The following BCKDHB variants were observed in gnomAD, a reference collection of about 807,000 sequenced individuals.
BCKDHB encodes the protein branched chain keto acid dehydrogenase E1 subunit beta.
BCKDHB carries 41 observed loss-of-function variants against 48.5 expected under a neutral mutation model. The ratio of observed to expected loss-of-function variants is 0.85; its 90% CI spans 0.66 to 1.10. The LOEUF is 1.10. Among genes scored for constraint, BCKDHB ranks in the 50% least tolerant of loss-of-function variants. The pLI is 0.00. For missense variants in BCKDHB, 496 were observed against 494.2 expected, an observed-to-expected ratio of 1.00 and a Z score of -0.03; for synonymous variants, 201 against 174.8, an observed-to-expected ratio of 1.15 and a Z score of -1.18.
intron 9 of BCKDHB, among the ~76,000 whole-genome samples, chr6:80,315,525 C>G (rs9361599): frequency 0.41 from 62,158 of 151,878 alleles, 13,710 homozygotes; most frequent in Admixed American, 0.57. Flanking sequence ...TTACTCACCC[C>G]CCTTTTGTTG....
At chr6:80,149,770 T>C (rs565464683) in intron 3 of BCKDHB, among the ~76,000 whole-genome samples, 79 of 143,348 alleles carry the variant, frequency 5.5e-4, no homozygotes, top group African/African-American at 2.0e-3. Flanking sequence ...TAGGTGGGAA[T>C]TGAACAATGA....
chr6:80,315,230 G>A lies in BCKDHB; in HGVS notation c.1039-28434G>A, dbSNP rs73465523. Reference sequence around the variant, plus strand: ...GGGTCTCTGTGCTGCCTGAGCAACCGCTCTGTTGAGACTCCACAGAGTTCT... The same window carrying A: ...GGGTCTCTGTGCTGCCTGAGCAACCACTCTGTTGAGACTCCACAGAGTTCT... On this transcript the variant is annotated intron_variant, in intron 9 of 9. Transcript: ENST00000320393. 5.0e-3 allele frequency among the ~76,000 whole-genome samples: 755 copies of A among 152,232 alleles called. 5 individuals are homozygous for A. The highest frequency in any genetic ancestry group is 0.017 in the African/African-American group (723 of 41,536).
intron 1 of BCKDHB, among the ~76,000 whole-genome samples, chr6:80,119,258 T>A (rs1426888910): frequency 6.6e-6 from 1 of 152,128 alleles, no homozygotes; most frequent in Non-Finnish European, 1.5e-5. Context: ...AATGAATGAA[T>A]AAATGAAGTC....
chr6:80,427,971 T>G, the BCKDHB span, among the ~76,000 whole-genome samples: 1 of 152,012 alleles, frequency 6.6e-6, no homozygotes, highest in Non-Finnish European at 1.5e-5. Flanking sequence ...CAGGGTGGTT[T>G]GCTGCACCGT....
chr6:80,343,557 C>G, intron 9 of BCKDHB, 107 bp from the exon 10 acceptor site: 1 of 1,226,656 alleles, frequency 8.2e-7, no homozygotes, highest in East Asian at 2.4e-5. Context: ...TTTTAATGTC[C>G]TTAGATGCAA....
rs191280825 is a variant in BCKDHB, at chr6:80,206,734, T to G, written c.951+3522T>G. On this transcript the variant is annotated intron_variant, in intron 8 of 9. Transcript: ENST00000320393. Reference sequence around the variant, plus strand: ...GAAAATGTCCAAATTGAAGCACAAGTCAGAAAAGAGGATAAAACACATTTG... The same window carrying G: ...GAAAATGTCCAAATTGAAGCACAAGGCAGAAAAGAGGATAAAACACATTTG... Among the ~76,000 whole-genome samples the G allele has an allele frequency of 1.7e-3, 265 of 151,926 alleles. 1 individual carries two copies. Among genetic ancestry groups the G allele is most frequent in the Admixed American group, 3.8e-3 (58 of 15,202 alleles).
At chr6:80,328,978 C>T (rs1582576977) in intron 9 of BCKDHB, among the ~76,000 whole-genome samples, 1 of 151,890 alleles carries the variant, frequency 6.6e-6, no homozygotes, top group African/African-American at 2.4e-5. Context: ...TTTTTCTTTA[C>T]AATACATAAT....
At chr6:80,225,826 G>A (rs542081807) in intron 8 of BCKDHB, among the ~76,000 whole-genome samples, 1 of 151,952 alleles carries the variant, frequency 6.6e-6, no homozygotes, top group Admixed American at 6.6e-5. Flanking sequence ...TTAACATTTG[G>A]TGCAATACAA....
At chr6:80,120,006 C>G (rs1320012868) in intron 1 of BCKDHB, among the ~76,000 whole-genome samples, 1 of 152,068 alleles carries the variant, frequency 6.6e-6, no homozygotes, top group Non-Finnish European at 1.5e-5. Context: ...TGCTATCCCT[C>G]CCCCAGCTTC....
At chr6:80,310,716 C>G (rs533936530) in intron 9 of BCKDHB, among the ~76,000 whole-genome samples, 1 of 152,186 alleles carries the variant, frequency 6.6e-6, no homozygotes, top group Non-Finnish European at 1.5e-5. Flanking sequence ...CTCCCACCAA[C>G]AATGTAAAAG....
chr6:80,112,167 A>G (rs1769445808), intron 1 of BCKDHB, among the ~76,000 whole-genome samples: 1 of 152,242 alleles, frequency 6.6e-6, no homozygotes, highest in Non-Finnish European at 1.5e-5. Flanking sequence ...AAACACATCT[A>G]GACATGTATA....
intron 8 of BCKDHB, among the ~76,000 whole-genome samples, chr6:80,270,146 A>G (rs923838063): frequency 1.3e-5 from 2 of 152,150 alleles, no homozygotes; most frequent in Admixed American, 6.6e-5. Flanking sequence ...TGTGAATGAT[A>G]AAAAGCATAT....
intron 8 of BCKDHB, among the ~76,000 whole-genome samples, chr6:80,230,837 T>C (rs1480208106): frequency 6.6e-6 from 1 of 152,168 alleles, no homozygotes; most frequent in East Asian, 1.9e-4. Context: ...ATAAAGTCAT[T>C]CTGTAGTGAC....
chr6:80,412,940 GT>G, the BCKDHB span, among the ~76,000 whole-genome samples: 10 of 152,050 alleles, frequency 6.6e-5, no homozygotes, highest in African/African-American at 2.4e-4. Flanking sequence ...AAAATTTTCT[GT>G]TTTTGATTTT....
rs1771463440 is a variant in BCKDHB, at chr6:80,145,930, G to A, written c.343+16701G>A. On this transcript the variant is annotated intron_variant, in intron 3 of 9. Transcript: ENST00000320393. ...ACCAATTTATTAGCTCTAAGAGCTT[G>A]TTGGAGATGCCATCCTAGGAAGGTA... 2.0e-5 allele frequency among the ~76,000 whole-genome samples: 3 copies of A among 152,174 alleles called. No homozygotes were observed. In the South Asian group the frequency reaches 6.2e-4, roughly 32 times the overall value.
chr6:80,310,333 A>G (rs1375970527), intron 9 of BCKDHB, among the ~76,000 whole-genome samples: 1 of 152,106 alleles, frequency 6.6e-6, no homozygotes, highest in Non-Finnish European at 1.5e-5. Flanking sequence ...GCTCCCACTT[A>G]TAAGTGAGAA....
chr6:80,340,333 T>C (rs1769822412), intron 9 of BCKDHB, among the ~76,000 whole-genome samples: 1 of 152,148 alleles, frequency 6.6e-6, no homozygotes, highest in African/African-American at 2.4e-5. Context: ...AGACCCCAAG[T>C]AGCTAGAGAA....
chr6:80,128,796 G>A lies in BCKDHB; in HGVS notation c.275-365G>A, dbSNP rs75485537. Among the ~76,000 whole-genome samples, 274 of 152,110 alleles carry A rather than the reference G, an allele frequency of 1.8e-3. 6 individuals are homozygous for A. The East Asian group carries it at 0.051, about 28-fold the overall frequency. ...AGATCAGTGGTTCTTTCTCAACTGG[G>A]GATGATCTTAGTCTCCACTCCCACA... On this transcript the variant is annotated intron_variant, in intron 2 of 9. Coordinates refer to ENST00000320393, the MANE Select transcript of BCKDHB (RefSeq NM_183050.4).
In BCKDHB at chr6:80,228,987, G is replaced by A. The variant is rs1056574892; in HGVS notation, c.951+25775G>A. Among the ~76,000 whole-genome samples, 4 of 152,112 alleles carry A rather than the reference G, an allele frequency of 2.6e-5. No homozygotes were observed. The South Asian group carries it at 6.2e-4, about 24-fold the overall frequency. ...GCCCAGTAGTCTATAGCAAGGACTG[G>A]CCACTGAAACACAACAGAAGACATC... On this transcript the variant is annotated intron_variant, in intron 8 of 9. Transcript: ENST00000320393.
Sources: gnomAD v4.1 joint callset for allele counts (sites outside exome capture counted in the v4.1 genomes callset) on GRCh38, gnomAD v4.1.1 for gene constraint, MANE v1.5 for transcripts, NCBI Gene and HGNC (gene_info 2026-07-23, HGNC 2026-07-21) for gene names.